Variants in FUT9 observed in about 807,000 individuals in gnomAD.
The protein encoded by FUT9 is fucosyltransferase 9.
Under a neutral mutation model 29.7 loss-of-function variants are expected in FUT9, and 15 were observed. That is an observed-to-expected ratio of 0.51 (90% CI 0.34 to 0.78). FUT9 has a LOEUF of 0.78. Ranked by LOEUF, FUT9 falls within the 30% of genes least tolerant of loss-of-function variation. The probability of loss-of-function intolerance (pLI) is 0.01; values close to 1 mark genes in which losing one functional copy is unlikely to be tolerated. For synonymous variants in FUT9, 169 were observed against 153.7 expected (o/e 1.10, Z -0.74); for missense variants, 319 against 425.4 (o/e 0.75, Z 2.20).
rs540361522 is a variant in FUT9 at position 96,078,545 on chromosome 6, C to T, written c.-97-35494C>T. ...GCGCCATTCTCCTGCCTCAGCCTCC[C>T]GAGTAGCTGGGACTACAGGCACATG... On this transcript the variant is annotated intron_variant, in intron 1 of 2. Coordinates refer to ENST00000302103, the MANE Select transcript of FUT9 (RefSeq NM_006581.4). Among the ~76,000 whole-genome samples the T allele has an allele frequency of 1.4e-3, 212 of 150,776 alleles. 1 individual carries two copies. Among genetic ancestry groups the T allele is most frequent in the African/African-American group, 5.0e-3 (207 of 41,174 alleles).
intron 2 of FUT9, among the ~76,000 whole-genome samples, chr6:96,142,859 T>C (rs1562140762): frequency 6.6e-6 from 1 of 152,022 alleles, no homozygotes; most frequent in Non-Finnish European, 1.5e-5. Context: ...AAAGAGCATA[T>C]AGTGGAGAAT....
intron 1 of FUT9, among the ~76,000 whole-genome samples, chr6:96,082,647 T>C (rs1771255645): frequency 6.6e-6 from 1 of 151,956 alleles, no homozygotes; most frequent in Non-Finnish European, 1.5e-5. Flanking sequence ...GTTGTCCCTT[T>C]ATTCTTCTAT....
At chr6:96,049,219 G>C (rs774207060) in intron 1 of FUT9, among the ~76,000 whole-genome samples, 5 of 152,126 alleles carry the variant, frequency 3.3e-5, no homozygotes, top group Non-Finnish European at 5.9e-5. Flanking sequence ...TTCCTTCCAA[G>C]GTTGTAGCCT....
At chr6:96,203,093 G>A in intron 2 of FUT9, 55 bp from the exon 3 acceptor site, 2 of 1,330,804 alleles carry the variant, frequency 1.5e-6, no homozygotes, top group Non-Finnish European at 2.1e-6. Flanking sequence ...ATATATTTAT[G>A]ATTTTCTCTT....
At position 96,212,016 on chromosome 6, in the gene FUT9, CA is replaced by C. The variant is rs1158229691; in HGVS notation, c.*7782del. 53 of 411,710 alleles carry C rather than the reference CA, an allele frequency of 1.3e-4. No homozygotes were observed. The East Asian group carries it at 1.9e-3, about 15-fold the overall frequency. The allele number at this position is 411,710 out of a possible 1,614,324, so 25.5% of individuals were successfully genotyped here. A position where few individuals can be genotyped will look rare whatever the true frequency, so the allele number is the denominator to read the frequency against. ...TGAAAAATTTTAAGGGCCAATTCTA[CA>C]GAAAGTTATGCTAACATGCTAACTT... On this transcript the variant is annotated 3_prime_UTR_variant, in exon 3 of 3. Coordinates refer to ENST00000302103, the MANE Select transcript of FUT9 (RefSeq NM_006581.4).
At position 96,204,306 on chromosome 6, in the gene FUT9, G is replaced by T; in HGVS notation, c.*71G>T. 1 of 1,044,552 alleles carries T rather than the reference G, an allele frequency of 9.6e-7. No individual in the cohort carries two copies. The highest frequency in any genetic ancestry group is 1.3e-6 in the Non-Finnish European group (1 of 757,338). The allele number at this position is 1,044,552 out of a possible 1,614,324, so 64.7% of individuals were successfully genotyped here. On this transcript the variant is annotated 3_prime_UTR_variant, in exon 3 of 3. Transcript: ENST00000302103. ...CATCCAAGTATTGAGGATAAGAAGA[G>T]ATGCAACATACTACTTTTGTGTCAC...
intron 1 of FUT9, among the ~76,000 whole-genome samples, chr6:96,066,215 C>A (rs1770959216): frequency 6.6e-6 from 1 of 151,750 alleles, no homozygotes; most frequent in Non-Finnish European, 1.5e-5. Context: ...TTTCTTTTTT[C>A]TTTCTATTTA....
chr6:96,018,169 A>G (rs1169377647), intron 1 of FUT9, among the ~76,000 whole-genome samples: 1 of 148,524 alleles, frequency 6.7e-6, no homozygotes, highest in Non-Finnish European at 1.5e-5. Context: ...CTTGACTGAG[A>G]ACATTCAAAG....
intron 1 of FUT9, among the ~76,000 whole-genome samples, chr6:96,098,256 G>T (rs1582227781): frequency 1.3e-5 from 2 of 151,922 alleles, no homozygotes; most frequent in African/African-American, 4.8e-5. Flanking sequence ...ATAACTTCTG[G>T]ATCTCCCTCC....
At chr6:96,046,737 A>T (rs1447764985) in intron 1 of FUT9, among the ~76,000 whole-genome samples, 1 of 152,204 alleles carries the variant, frequency 6.6e-6, no homozygotes, top group African/African-American at 2.4e-5. Flanking sequence ...GTGATTAATG[A>T]AGATATATGT....
At chr6:96,084,339 A>C (rs2127951765) in intron 1 of FUT9, among the ~76,000 whole-genome samples, 1 of 152,218 alleles carries the variant, frequency 6.6e-6, no homozygotes, top group African/African-American at 2.4e-5. Context: ...GTTGTTTTTT[A>C]AGCTACAGAA....
intron 1 of FUT9, among the ~76,000 whole-genome samples, chr6:96,061,853 T>G (rs946169652): frequency 2.6e-5 from 4 of 152,164 alleles, no homozygotes; most frequent in Admixed American, 2.0e-4. Context: ...GTAGAGGGAT[T>G]CTCCCAGAGT....
At chr6:96,081,188 A>G (rs1046736866) in intron 1 of FUT9, among the ~76,000 whole-genome samples, 2 of 151,888 alleles carry the variant, frequency 1.3e-5, no homozygotes, top group African/African-American at 4.8e-5. Flanking sequence ...TGAATATTTA[A>G]CATCATAAAT....
chr6:96,154,783 A>T (rs976392823), intron 2 of FUT9, among the ~76,000 whole-genome samples: 9 of 152,238 alleles, frequency 5.9e-5, no homozygotes, highest in South Asian at 2.1e-4. Context: ...ATAGTCAAAA[A>T]TTTTTGGCTT....
chr6:96,202,567 TG>T (rs1413904564), intron 2 of FUT9, among the ~76,000 whole-genome samples: 1 of 152,174 alleles, frequency 6.6e-6, no homozygotes, highest in Non-Finnish European at 1.5e-5. Context: ...TTTTTAAAAA[TG>T]TATCAAATCA....
intron 1 of FUT9, among the ~76,000 whole-genome samples, chr6:96,056,679 G>A (rs142495818): frequency 0.013 from 1,901 of 151,990 alleles, 13 homozygotes; most frequent in Non-Finnish European, 0.021. Context: ...GAGCCCAGGA[G>A]TTCGAGTAGG....
intron 2 of FUT9, among the ~76,000 whole-genome samples, chr6:96,132,850 T>A (rs1161994347): frequency 6.6e-6 from 1 of 152,138 alleles, no homozygotes; most frequent in Non-Finnish European, 1.5e-5. Flanking sequence ...TGCAGACTTT[T>A]AGTCTAACAT....
At chr6:96,132,883 A>G (rs2127969919) in intron 2 of FUT9, among the ~76,000 whole-genome samples, 1 of 152,160 alleles carries the variant, frequency 6.6e-6, no homozygotes, top group Non-Finnish European at 1.5e-5. Context: ...CACAAAAAGC[A>G]TATTATTCTG....
chr6:96,192,633 TA>T lies in FUT9; in HGVS notation c.-8-10513del, dbSNP rs1266839390. ...GTGAAAATGGCCATACTGTCCAAGGTAATTTATAGATTCAATGCCATCCCTG... is the reference window on the plus strand; with the variant it reads ...GTGAAAATGGCCATACTGTCCAAGGTATTTATAGATTCAATGCCATCCCTG... On this transcript the variant is annotated intron_variant, in intron 2 of 2. Transcript: ENST00000302103. 8.5e-5 allele frequency among the ~76,000 whole-genome samples: 13 copies of T among 152,212 alleles called. No homozygotes were observed. In the East Asian group the frequency reaches 1.9e-3, roughly 23 times the overall value.
Sources: gnomAD v4.1 joint callset for allele counts (sites outside exome capture counted in the v4.1 genomes callset) on GRCh38, gnomAD v4.1.1 for gene constraint, MANE v1.5 for transcripts, NCBI Gene and HGNC (gene_info 2026-07-23, HGNC 2026-07-21) for gene names.